The following TBCK variants were observed in gnomAD, a reference collection of about 807,000 sequenced individuals.
TBCK encodes the protein TBC domain-containing protein kinase-like protein.
TBCK carries 99 observed loss-of-function variants against 113.4 expected under a neutral mutation model. That is an observed-to-expected ratio of 0.87 (90% CI 0.74 to 1.03). TBCK has a LOEUF of 1.03. Among genes scored for constraint, TBCK ranks in the 50% least tolerant of loss-of-function variants. TBCK has a pLI of 0.00. For missense variants in TBCK, 1,045 were observed against 1,061.3 expected (o/e 0.98, Z 0.21); for synonymous variants, 369 against 370.8 (o/e 1.00, Z 0.05).
intron 23 of TBCK, among the ~76,000 whole-genome samples, chr4:106,149,344 G>A (rs1374256867): frequency 6.6e-6 from 1 of 152,130 alleles, no homozygotes; most frequent in Non-Finnish European, 1.5e-5. Context: ...TAGCTTTTGG[G>A]CTATCTTGGC....
intron 24 of TBCK, among the ~76,000 whole-genome samples, chr4:106,098,783 A>G (rs895059207): frequency 1.3e-5 from 2 of 152,070 alleles, no homozygotes; most frequent in Admixed American, 6.5e-5. Context: ...ACCTTACACT[A>G]TATATCTTAC....
chr4:106,113,569 G>A lies in TBCK; in HGVS notation c.2411+2634C>T, dbSNP rs150259673. 8.0e-3 allele frequency among the ~76,000 whole-genome samples: 1,217 copies of A among 152,144 alleles called. 22 individuals are homozygous for A. The highest frequency in any genetic ancestry group is 0.028 in the African/African-American group (1,167 of 41,488). ...TCAGGTCCTCTTTGGATTCCAGCAC[G>A]ATCCATCAAACCTTACCATAGCATG... On this transcript the variant is annotated intron_variant, in intron 24 of 25. Transcript: ENST00000394708.
intron 2 of TBCK, among the ~76,000 whole-genome samples, chr4:106,308,210 C>A (rs1767744092): frequency 6.6e-6 from 1 of 152,092 alleles, no homozygotes; most frequent in South Asian, 2.1e-4. Context: ...ATTCATTCAG[C>A]TAACAAACAC....
intron 22 of TBCK, among the ~76,000 whole-genome samples, chr4:106,190,993 A>C (rs1383016081): frequency 3.3e-5 from 5 of 152,232 alleles, no homozygotes; most frequent in African/African-American, 1.2e-4. Context: ...AAATTTTCTT[A>C]AATAGTCAGC....
At chr4:106,100,437 C>T (rs554433233) in intron 24 of TBCK, among the ~76,000 whole-genome samples, 1 of 152,284 alleles carries the variant, frequency 6.6e-6, no homozygotes, top group East Asian at 1.9e-4. Context: ...TTTGTCAGCA[C>T]ACACTTTGAG....
At chr4:106,250,297 T>G in intron 7 of TBCK, 121 bp downstream of exon 7, 1 of 616,890 alleles carries the variant, frequency 1.6e-6, no homozygotes, top group South Asian at 2.3e-5. Context: ...ATTAGCAACT[T>G]GAGTAAAGGG....
chr4:106,050,141 T>C (rs1477981174), intron 25 of TBCK, among the ~76,000 whole-genome samples: 1 of 151,824 alleles, frequency 6.6e-6, no homozygotes, highest in Admixed American at 6.6e-5. Flanking sequence ...AAAAGGGAGA[T>C]TTCATAATGA....
At chr4:106,254,357 G>C (rs60278155) in intron 5 of TBCK, among the ~76,000 whole-genome samples, 2,812 of 152,246 alleles carry the variant, frequency 0.018, 260 homozygotes, top group Admixed American at 0.14. Context: ...ATTGCTAGCA[G>C]GACTTAGTTT....
At chr4:106,239,584 T>C (rs1269783907) in intron 12 of TBCK, among the ~76,000 whole-genome samples, 1 of 151,836 alleles carries the variant, frequency 6.6e-6, no homozygotes, top group Non-Finnish European at 1.5e-5. Context: ...TAGCAGAGAA[T>C]GTAAAGAAAA....
intron 19 of TBCK, among the ~76,000 whole-genome samples, chr4:106,220,360 T>G (rs1047625410): frequency 6.6e-6 from 1 of 152,214 alleles, no homozygotes; most frequent in African/African-American, 2.4e-5. Flanking sequence ...CTGCCATCAT[T>G]CTGGGGCTTC....
chr4:106,295,691 A>G (rs1391175982), intron 2 of TBCK, among the ~76,000 whole-genome samples: 1 of 152,154 alleles, frequency 6.6e-6, no homozygotes, highest in Non-Finnish European at 1.5e-5. Flanking sequence ...GGGGTTCTTA[A>G]AGGTGCCAAC....
intron 25 of TBCK, among the ~76,000 whole-genome samples, chr4:106,087,958 A>G (rs1234852974): frequency 5.3e-5 from 8 of 152,220 alleles, no homozygotes; most frequent in Non-Finnish European, 1.0e-4. Flanking sequence ...TTAACTCAAG[A>G]TGGATTAAAG....
intron 22 of TBCK, among the ~76,000 whole-genome samples, chr4:106,179,683 C>T (rs1752107271): frequency 6.6e-6 from 1 of 151,944 alleles, no homozygotes; most frequent in South Asian, 2.1e-4. Flanking sequence ...GGAGAATGTT[C>T]CATGTGCTTT....
rs1443576691 is a variant in TBCK at position 106,046,336 on chromosome 4, T to C, written c.*234A>G. 3 of 375,690 alleles carry C rather than the reference T, an allele frequency of 8.0e-6. No homozygotes were observed. Among genetic ancestry groups the C allele is most frequent in the Non-Finnish European group, 1.4e-5 (3 of 208,118 alleles). The allele number at this position is 375,690 out of a possible 1,614,324, so 23.3% of individuals were successfully genotyped here. A position where few individuals can be genotyped will look rare whatever the true frequency, so the allele number is the denominator to read the frequency against. On this transcript the variant is annotated 3_prime_UTR_variant, in exon 26 of 26. Coordinates refer to ENST00000394708, the MANE Select transcript of TBCK (RefSeq NM_001163435.3). Reference sequence around the variant, plus strand: ...TTTATGTGGCAGTGTGGTAAAAATATATGATCAGATTTCACTGTTAAGAAA... The same window carrying C: ...TTTATGTGGCAGTGTGGTAAAAATACATGATCAGATTTCACTGTTAAGAAA...
In TBCK at chr4:106,093,500, C is replaced by T. The variant is rs566287433; in HGVS notation, c.2571+1982G>A. Among the ~76,000 whole-genome samples the T allele has an allele frequency of 1.2e-4, 18 of 152,260 alleles. No homozygotes were observed. In the South Asian group the frequency reaches 2.5e-3, roughly 21 times the overall value. On this transcript the variant is annotated intron_variant, in intron 25 of 25. Coordinates refer to ENST00000394708, the MANE Select transcript of TBCK (RefSeq NM_001163435.3). ...CCAGCCTGGGCGAAAGGGCGAGACT[C>T]GTCTCAAACAAACAAACAAACAAAA...
chr4:106,056,268 ATTTT>A (rs371739787), intron 25 of TBCK, among the ~76,000 whole-genome samples: 2 of 136,672 alleles, frequency 1.5e-5, no homozygotes. Flanking sequence ...TTTTTAATTA[ATTTT>A]TTTTTTTTTT....
Position 106,235,262 on chromosome 4 carries a change from T to C in TBCK, c.1449+7A>G. ...AATCAGCTTCTAACCTTTTCTTTTT[T>C]CCTTACCTCAACTCCCAGAAGAGCA... On this transcript the variant is annotated splice_region_variant and intron_variant, in intron 15 of 25. Coordinates refer to ENST00000394708, the MANE Select transcript of TBCK (RefSeq NM_001163435.3). 3 of 1,582,390 alleles carry C rather than the reference T, an allele frequency of 1.9e-6. No homozygotes were observed. In the South Asian group the frequency reaches 3.5e-5, roughly 18 times the overall value.
chr4:106,242,600 C>T, intron 11 of TBCK, 31 bp from the exon 12 acceptor site: 1 of 1,464,100 alleles, frequency 6.8e-7, no homozygotes, highest in Non-Finnish European at 9.3e-7. Context: ...ATAATATGTA[C>T]ACAAAATCCA....
chr4:106,202,183 T>A (rs945450270), intron 20 of TBCK, among the ~76,000 whole-genome samples: 2 of 148,452 alleles, frequency 1.3e-5, no homozygotes, highest in African/African-American at 4.9e-5. Flanking sequence ...ATACACACTT[T>A]TTTTTTTTTA....
Sources: gnomAD v4.1 joint callset for allele counts (sites outside exome capture counted in the v4.1 genomes callset) on GRCh38, gnomAD v4.1.1 for gene constraint, MANE v1.5 for transcripts, NCBI Gene and HGNC (gene_info 2026-07-23, HGNC 2026-07-21) for gene names.